Variants in CAMKMT observed in about 807,000 individuals in gnomAD.
The protein encoded by CAMKMT is calmodulin-lysine N-methyltransferase, also known as CaM KMT.
Under a neutral mutation model 48.0 loss-of-function variants are expected in CAMKMT, and 53 were observed. The observed-to-expected ratio is 1.10, with a 90% CI of 0.89 to 1.39. The LOEUF is 1.39. CAMKMT is among the 40% of genes most tolerant of loss of function. The probability of loss-of-function intolerance (pLI) is 0.00; values close to 1 mark genes in which losing one functional copy is unlikely to be tolerated. For synonymous variants in CAMKMT, 165 were observed against 152.3 expected (o/e 1.08, Z -0.61); for missense variants, 428 against 402.7 (o/e 1.06, Z -0.54).
At chr2:44,559,415 A>ACAGAG (rs1379711047) in intron 3 of CAMKMT, among the ~76,000 whole-genome samples, 6 of 152,210 alleles carry the variant, frequency 3.9e-5, no homozygotes, top group Non-Finnish European at 8.8e-5. Context: ...TCTCTGTGAT[A>ACAGAG]ATGTACATTC....
chr2:44,626,502 G>A (rs1672489935), intron 3 of CAMKMT, among the ~76,000 whole-genome samples: 2 of 152,098 alleles, frequency 1.3e-5, no homozygotes, highest in African/African-American at 4.8e-5. Context: ...ACCATAAACT[G>A]GGTAGCTTAT....
intron 3 of CAMKMT, among the ~76,000 whole-genome samples, chr2:44,477,845 C>T (rs1251093161): frequency 6.6e-6 from 1 of 152,154 alleles, no homozygotes; most frequent in Non-Finnish European, 1.5e-5. Context: ...CAGGTATAGG[C>T]TAAGCTTGGT....
chr2:44,510,155 A>G (rs1354015443), intron 3 of CAMKMT, among the ~76,000 whole-genome samples: 1 of 152,206 alleles, frequency 6.6e-6, no homozygotes, highest in Non-Finnish European at 1.5e-5. Flanking sequence ...TTTTTCTATT[A>G]ATATCCTTTT....
chr2:44,545,464 CTCG>C (rs1235502726), intron 3 of CAMKMT, among the ~76,000 whole-genome samples: 3 of 152,182 alleles, frequency 2.0e-5, no homozygotes, highest in African/African-American at 4.8e-5. Flanking sequence ...CCTGCTCTTC[CTCG>C]TGGAACTTAT....
chr2:44,382,669 C>T (rs961660079), intron 2 of CAMKMT, among the ~76,000 whole-genome samples: 13 of 151,710 alleles, frequency 8.6e-5, no homozygotes, highest in Admixed American at 2.0e-4. Context: ...TTAGTAGATA[C>T]AGGGTTTCAC....
intron 1 of CAMKMT, among the ~76,000 whole-genome samples, chr2:44,363,104 A>C (rs1005487678): frequency 6.6e-6 from 1 of 152,146 alleles, no homozygotes. Flanking sequence ...TCACCTTTTC[A>C]TACAGTGGTC....
At chr2:44,666,811 C>T (rs569927277) in intron 3 of CAMKMT, among the ~76,000 whole-genome samples, 71 of 152,174 alleles carry the variant, frequency 4.7e-4, no homozygotes, top group African/African-American at 1.4e-3. Context: ...GATTTCTCCA[C>T]GTTGGCCAGG....
At chr2:44,698,336 T>G (rs1363412261) in intron 3 of CAMKMT, among the ~76,000 whole-genome samples, 1 of 152,198 alleles carries the variant, frequency 6.6e-6, no homozygotes, top group Non-Finnish European at 1.5e-5. Flanking sequence ...TTCATATAAA[T>G]AAAAACATAC....
intron 3 of CAMKMT, among the ~76,000 whole-genome samples, chr2:44,528,846 G>A (rs990031564): frequency 6.6e-6 from 1 of 151,976 alleles, no homozygotes; most frequent in Non-Finnish European, 1.5e-5. Flanking sequence ...TAAGAAGTTT[G>A]ATCTGATTCC....
Position 44,772,316 on chromosome 2 carries a change from C to T in CAMKMT, c.*203C>T. 2.0e-6 allele frequency: 1 copy of T among 512,322 alleles called. No individual in the cohort carries two copies. The highest frequency in any genetic ancestry group is 3.5e-6 in the Non-Finnish European group (1 of 288,964). The allele number at this position is 512,322 out of a possible 1,614,324, so 31.7% of individuals were successfully genotyped here. ...CCTCCCCGCCTCTTTTTACACTCTG[C>T]TTGTTGCTCGTCCTGCCCTAAACCT... On this transcript the variant is annotated 3_prime_UTR_variant, in exon 11 of 11. Coordinates refer to ENST00000378494, the MANE Select transcript of CAMKMT (RefSeq NM_024766.5).
intron 7 of CAMKMT, among the ~76,000 whole-genome samples, chr2:44,738,016 C>T (rs1269643808): frequency 6.6e-6 from 1 of 151,932 alleles, no homozygotes; most frequent in Admixed American, 6.6e-5. Flanking sequence ...CCATCGTGCC[C>T]AGCTAATTTT....
intron 3 of CAMKMT, among the ~76,000 whole-genome samples, chr2:44,481,701 A>G (rs1469778676): frequency 2.6e-5 from 4 of 152,086 alleles, no homozygotes; most frequent in Non-Finnish European, 5.9e-5. Context: ...GATAAAGTTG[A>G]TATTTATGTT....
intron 3 of CAMKMT, among the ~76,000 whole-genome samples, chr2:44,462,838 C>T (rs1001923039): frequency 1.3e-5 from 2 of 152,032 alleles, no homozygotes; most frequent in Non-Finnish European, 2.9e-5. Context: ...TTTGCTTTTT[C>T]TCCTTGCACT....
chr2:44,769,529 T>C (rs1440148288), intron 10 of CAMKMT, among the ~76,000 whole-genome samples: 1 of 152,218 alleles, frequency 6.6e-6, no homozygotes, highest in Non-Finnish European at 1.5e-5. Flanking sequence ...GATAGTAAGA[T>C]AGCAAATCGT....
chr2:44,388,974 G>A (rs1371085012), intron 2 of CAMKMT, among the ~76,000 whole-genome samples: 1 of 152,180 alleles, frequency 6.6e-6, no homozygotes, highest in South Asian at 2.1e-4. Flanking sequence ...CTCTTTTTGT[G>A]CTGGTTGACC....
chr2:44,590,037 C>T (rs1670166370), intron 3 of CAMKMT, among the ~76,000 whole-genome samples: 1 of 150,912 alleles, frequency 6.6e-6, no homozygotes, highest in Non-Finnish European at 1.5e-5. Flanking sequence ...AGTCAGTTTT[C>T]TGTACATTCC....
intron 3 of CAMKMT, among the ~76,000 whole-genome samples, chr2:44,492,853 A>C (rs928625827): frequency 6.6e-6 from 1 of 150,620 alleles, no homozygotes; most frequent in Non-Finnish European, 1.5e-5. Context: ...TATTTATTAG[A>C]GCTAAGTTAT....
chr2:44,568,744 G>C (rs1045028160), intron 3 of CAMKMT, among the ~76,000 whole-genome samples: 1 of 152,186 alleles, frequency 6.6e-6, no homozygotes, highest in Admixed American at 6.6e-5. Flanking sequence ...GACATTGAAA[G>C]TACAAAGCTG....
chr2:44,554,006 A>G (rs921690086), intron 3 of CAMKMT, among the ~76,000 whole-genome samples: 7 of 152,208 alleles, frequency 4.6e-5, no homozygotes, highest in Non-Finnish European at 7.3e-5. Context: ...CAAATAAAGA[A>G]GTATGGAGAC....
Sources: gnomAD v4.1 joint callset for allele counts (sites outside exome capture counted in the v4.1 genomes callset) on GRCh38, gnomAD v4.1.1 for gene constraint, MANE v1.5 for transcripts, NCBI Gene and HGNC (gene_info 2026-07-23, HGNC 2026-07-21) for gene names.